The following DRAXIN variants were observed in gnomAD, a reference collection of about 807,000 sequenced individuals.
DRAXIN encodes dorsal inhibitory axon guidance protein.
A neutral mutation model predicts 33.9 loss-of-function variants in DRAXIN; 27 were observed. The ratio of observed to expected loss-of-function variants is 0.80; its 90% CI spans 0.59 to 1.10. The LOEUF (loss-of-function observed/expected upper bound fraction) is 1.10, where lower values mean the gene tolerates loss of function less well. Ranked by LOEUF, DRAXIN falls within the 50% of genes least tolerant of loss-of-function variation. The pLI is 0.00. For missense variants in DRAXIN, 371 were observed against 460.8 expected (o/e 0.81, Z 1.78); for synonymous variants, 178 against 194.0 (o/e 0.92, Z 0.69).
At chr1:11,718,460 T>C (rs1641613742) in intron 6 of DRAXIN, among the ~76,000 whole-genome samples, 1 of 152,142 alleles carries the variant, frequency 6.6e-6, no homozygotes, top group South Asian at 2.1e-4. Context: ...TTTATCTGTG[T>C]ATTTTATTTT....
Position 11,695,779 on chromosome 1 carries a change from C to T in DRAXIN, c.-11+3926C>T, listed in dbSNP as rs552754000. 2.3e-3 allele frequency among the ~76,000 whole-genome samples: 351 copies of T among 152,190 alleles called. 3 individuals are homozygous for T. Among genetic ancestry groups the T allele is most frequent in the Non-Finnish European group, 6.0e-4 (41 of 67,998 alleles). ...TATGGAGGCTGAGGGTTGCTTCCCC[C>T]ACCCACAAATTGCCTAGGAGAGGAG... On this transcript the variant is annotated intron_variant, in intron 1 of 6. Transcript: ENST00000294485.
Position 11,706,592 on chromosome 1 carries a change from C to A in DRAXIN, c.334C>A (p.Leu112Ile), listed in dbSNP as rs368946227. 36 of 1,606,452 alleles carry A rather than the reference C, an allele frequency of 2.2e-5. No homozygotes were observed. The highest frequency in any genetic ancestry group is 3.1e-5 in the Non-Finnish European group (36 of 1,179,426). ...AGGCCTGCTGCAGGACAAGGACCTG[C>A]TCCTGGGACTGGCATTGCCCTACCC... ...PAGLLQDKDL[L>I]LGLALPYPEK... Residue 112 changes from leucine to isoleucine, a missense_variant, in exon 2 of 7, where the codon CTC becomes ATC. Coordinates refer to ENST00000294485, the MANE Select transcript of DRAXIN (RefSeq NM_198545.4). The surrounding 1 kb of genome is among the most constrained non-coding windows in gnomAD (Gnocchi z 5.5).
intron 5 of DRAXIN, among the ~76,000 whole-genome samples, chr1:11,714,010 G>A (rs761527365): frequency 6.6e-6 from 1 of 152,040 alleles, no homozygotes; most frequent in Non-Finnish European, 1.5e-5. Flanking sequence ...CTGACAGAGC[G>A]AGACTCTGTC....
chr1:11,704,211 C>A lies in DRAXIN; in HGVS notation c.-10-2038C>A, dbSNP rs1641343394. Among the ~76,000 whole-genome samples the A allele has an allele frequency of 6.6e-6, 1 of 152,128 alleles. No individual in the cohort carries two copies. The highest frequency in any genetic ancestry group is 1.5e-5 in the Non-Finnish European group (1 of 68,002). On this transcript the variant is annotated intron_variant, in intron 1 of 6. Coordinates refer to ENST00000294485, the MANE Select transcript of DRAXIN (RefSeq NM_198545.4). This position sits in a 1 kb window ranked among gnomAD's most constrained non-coding sequence, Gnocchi z 4.6. ...CCAACGTCCCGAGGTTTCCCTGTCC[C>A]TAGGACGCTCTTCGGGCTTCTCCCA...
intron 1 of DRAXIN, among the ~76,000 whole-genome samples, chr1:11,693,635 G>A (rs1022849591): frequency 3.9e-5 from 6 of 152,046 alleles, no homozygotes; most frequent in Admixed American, 1.3e-4. Context: ...ATATCCCCAC[G>A]ACATCCCCCA....
chr1:11,698,009 C>T (rs1206248592), intron 1 of DRAXIN, among the ~76,000 whole-genome samples: 1 of 152,160 alleles, frequency 6.6e-6, no homozygotes, highest in Non-Finnish European at 1.5e-5. Context: ...GCCCCATCCT[C>T]TATGCCACCT....
rs1188348567 is a variant in DRAXIN at position 11,692,085 on chromosome 1, C to A, written c.-11+232C>A. Among the ~76,000 whole-genome samples, 1 of 152,148 alleles carries A rather than the reference C, an allele frequency of 6.6e-6. No homozygotes were observed. The highest frequency in any genetic ancestry group is 2.4e-5 in the African/African-American group (1 of 41,456). The stretch of plus-strand genomic sequence containing the variant: ...CACGGACCCTGGCTCTGCTCCCGGG[C>A]TCCCCATCCGTCCACCTACCGCTGG... On this transcript the variant is annotated intron_variant, in intron 1 of 6. Coordinates refer to ENST00000294485, the MANE Select transcript of DRAXIN (RefSeq NM_198545.4). This position sits in a 1 kb window ranked among gnomAD's most constrained non-coding sequence, Gnocchi z 5.8.
At chr1:11,711,128 C>T (rs1225846140) in intron 3 of DRAXIN, among the ~76,000 whole-genome samples, 1 of 152,140 alleles carries the variant, frequency 6.6e-6, no homozygotes, top group African/African-American at 2.4e-5. Context: ...CCCGTCTCTA[C>T]AAAAATACAA....
At chr1:11,713,740 T>TA (rs1224822520) in intron 5 of DRAXIN, among the ~76,000 whole-genome samples, 5 of 151,760 alleles carry the variant, frequency 3.3e-5, no homozygotes, top group African/African-American at 1.2e-4. Context: ...AGTAATAATT[T>TA]AAAAAAATAA....
chr1:11,717,131 A>C (rs977638471), intron 6 of DRAXIN, among the ~76,000 whole-genome samples: 1 of 151,608 alleles, frequency 6.6e-6, no homozygotes, highest in Non-Finnish European at 1.5e-5. Context: ...AAAAATACAA[A>C]AATTAGATGG....
intron 1 of DRAXIN, among the ~76,000 whole-genome samples, chr1:11,701,659 G>A (rs991474291): frequency 1.3e-5 from 2 of 152,198 alleles, no homozygotes; most frequent in East Asian, 1.9e-4. Context: ...GACTGTGCTC[G>A]GCTGGGAGGA....
intron 1 of DRAXIN, among the ~76,000 whole-genome samples, chr1:11,703,722 C>T (rs1641336431): frequency 6.6e-6 from 1 of 152,204 alleles, no homozygotes; most frequent in Non-Finnish European, 1.5e-5. Flanking sequence ...AATCCCACTT[C>T]CTCTGTCCCA....
At chr1:11,709,519 T>C in intron 3 of DRAXIN, 54 bp downstream of exon 3, 1 of 1,550,324 alleles carries the variant, frequency 6.5e-7, no homozygotes, top group Non-Finnish European at 8.7e-7. Flanking sequence ...GCCCATGTCA[T>C]GGAAAGCCCT....
chr1:11,722,718 C>T lies in DRAXIN; in HGVS notation c.*3022C>T, dbSNP rs1162223097. 6.5e-6 allele frequency: 1 copy of T among 154,248 alleles called. No individual in the cohort carries two copies. Among genetic ancestry groups the T allele is most frequent in the Non-Finnish European group, 1.5e-5 (1 of 68,180 alleles). 9.6% of individuals were successfully genotyped at this position (154,248 alleles called of 1,614,324 possible). ...CAGCTCTGCCGTAGCTCGAAGCAGC[C>T]ACAGAGAGTGTGTAAATGAATTCAT... On this transcript the variant is annotated 3_prime_UTR_variant, in exon 7 of 7. Coordinates refer to ENST00000294485, the MANE Select transcript of DRAXIN (RefSeq NM_198545.4).
chr1:11,710,636 C>T (rs191032638), intron 3 of DRAXIN, among the ~76,000 whole-genome samples: 3 of 151,916 alleles, frequency 2.0e-5, no homozygotes, highest in East Asian at 1.9e-4. Context: ...GTTTTCAGGC[C>T]GGGCGCGGTG....
intron 5 of DRAXIN, 34 bp from the exon 6 acceptor site, chr1:11,715,085 C>G (rs1361357247): frequency 6.2e-7 from 1 of 1,612,750 alleles, no homozygotes; most frequent in Admixed American, 1.7e-5. Context: ...GGCGGCTCAG[C>G]TTGGCTGACT....
chr1:11,695,679 C>T (rs1641181074), intron 1 of DRAXIN, among the ~76,000 whole-genome samples: 2 of 151,616 alleles, frequency 1.3e-5, no homozygotes, highest in South Asian at 4.2e-4. Flanking sequence ...GGGCCTAGAA[C>T]CTAGAACAGT....
chr1:11,692,623 T>TC lies in DRAXIN; in HGVS notation c.-11+773dup. ...TATGAGATGAGAGAGGGCTGGGGTT[T>TC]CCCGCCAAGTCTTTCTTGCTTTCCT... On this transcript the variant is annotated intron_variant, in intron 1 of 6. Transcript: ENST00000294485. This position sits in a 1 kb window ranked among gnomAD's most constrained non-coding sequence, Gnocchi z 5.8. Among the ~76,000 whole-genome samples the TC allele has an allele frequency of 6.6e-6, 1 of 152,178 alleles. No individual in the cohort carries two copies. Among genetic ancestry groups the TC allele is most frequent in the Middle Eastern group, 3.2e-3 (1 of 316 alleles).
Position 11,706,408 on chromosome 1 carries a change from G to T in DRAXIN, c.150G>T (p.Trp50Cys). ...TTGACCTCCCAGGCCCAGCGCTGTG[G>T]ACGCCTCAGGCCAGCCACCACCGCC... is the stretch of plus-strand genomic sequence containing the variant. Reference protein sequence around the residue: ...NHIDLPGPALWTPQASHHRRR... With the variant: ...NHIDLPGPALCTPQASHHRRR... The change falls in exon 2 of 7, where the codon TGG (tryptophan) becomes TGT (cysteine). Residue 50 changes from tryptophan to cysteine, a missense_variant. Coordinates refer to ENST00000294485, the MANE Select transcript of DRAXIN (RefSeq NM_198545.4). This position sits in a 1 kb window ranked among gnomAD's most constrained non-coding sequence, Gnocchi z 5.5. The T allele has an allele frequency of 6.2e-7, 1 of 1,612,746 alleles. No homozygotes were observed.
Sources: allele counts gnomAD v4.1 joint callset (sites outside exome capture counted in the v4.1 genomes callset), GRCh38; gene constraint gnomAD v4.1.1; non-coding constraint Gnocchi (gnomAD v3.1); transcripts MANE v1.5; gene names NCBI Gene and HGNC (gene_info 2026-07-23, HGNC 2026-07-21).